The following DOCK2 variants were observed in gnomAD, a reference collection of about 807,000 sequenced individuals.
DOCK2 encodes dedicator of cytokinesis protein 2.
Under a neutral mutation model 248.9 loss-of-function variants are expected in DOCK2, and 87 were observed. The ratio of observed to expected loss-of-function variants is 0.35; its 90% CI spans 0.29 to 0.42. DOCK2 has a LOEUF of 0.42. Ranked by LOEUF, DOCK2 falls within the 10% of genes least tolerant of loss-of-function variation. DOCK2 has a pLI of 1.00. For synonymous variants in DOCK2, 805 were observed against 821.6 expected (o/e 0.98, Z 0.35); for missense variants, 1,747 against 2,300.2 (o/e 0.76, Z 4.92).
At chr5:169,989,187 G>A (rs1405670005) in intron 29 of DOCK2, among the ~76,000 whole-genome samples, 1 of 152,176 alleles carries the variant, frequency 6.6e-6, no homozygotes, top group Non-Finnish European at 1.5e-5. Context: ...TGTACTGTTT[G>A]CGTATGCAGA....
intron 30 of DOCK2, 38 bp downstream of exon 30, chr5:169,996,202 C>T: frequency 6.3e-7 from 1 of 1,597,598 alleles, no homozygotes; most frequent in South Asian, 1.1e-5. Flanking sequence ...TGGAGCTGCC[C>T]AGGGCGTCTC....
At chr5:169,782,500 GTTT>G (rs369831482) in intron 25 of DOCK2, among the ~76,000 whole-genome samples, 12 of 137,492 alleles carry the variant, frequency 8.7e-5, no homozygotes, top group Admixed American at 2.9e-4. Flanking sequence ...TTCCTCCTTA[GTTT>G]TTTTTTTTTT....
rs138731818 is a variant in DOCK2, at chr5:169,919,018, A to T, written c.2800-64050A>T. 6.6e-5 allele frequency among the ~76,000 whole-genome samples: 10 copies of T among 152,370 alleles called. No individual in the cohort carries two copies. In the East Asian group the frequency reaches 1.7e-3, roughly 26 times the overall value. On this transcript the variant is annotated intron_variant, in intron 27 of 51. Coordinates refer to ENST00000520908, the MANE Select transcript of DOCK2 (RefSeq NM_004946.3). ...ACCAGTAACAAGGGTTATGTTGGAT[A>T]GAAGTGATGGGTTTGGATTCAATAT... is the stretch of plus-strand genomic sequence containing the variant.
intron 27 of DOCK2, among the ~76,000 whole-genome samples, chr5:169,890,042 G>A (rs261071): frequency 0.19 from 28,779 of 152,168 alleles, 4,322 homozygotes; most frequent in African/African-American, 0.42. Context: ...AGGCTGGGAA[G>A]CATTATCCCT....
At chr5:170,063,915 A>G (rs1367522545) in intron 44 of DOCK2, among the ~76,000 whole-genome samples, 3 of 152,208 alleles carry the variant, frequency 2.0e-5, no homozygotes, top group Non-Finnish European at 4.4e-5. Flanking sequence ...GTAATCGCCC[A>G]TGCTCAGCTT....
intron 25 of DOCK2, among the ~76,000 whole-genome samples, chr5:169,796,821 CAGG>C (rs1766683585): frequency 1.3e-5 from 2 of 152,142 alleles, no homozygotes; most frequent in South Asian, 4.2e-4. Flanking sequence ...TGCAAAAATT[CAGG>C]AGAAGGAGAG....
intron 27 of DOCK2, among the ~76,000 whole-genome samples, chr5:169,941,756 G>C (rs1776254934): frequency 6.6e-6 from 1 of 152,186 alleles, no homozygotes; most frequent in South Asian, 2.1e-4. Flanking sequence ...TGGCCCTAGG[G>C]AACCAGCAGA....
intron 22 of DOCK2, among the ~76,000 whole-genome samples, chr5:169,745,848 A>G (rs941930630): frequency 6.6e-6 from 1 of 152,218 alleles, no homozygotes; most frequent in Non-Finnish European, 1.5e-5. Flanking sequence ...TGTGGCAGTT[A>G]TCTCTGGTGG....
At chr5:169,821,455 G>A (rs1056363262) in intron 26 of DOCK2, among the ~76,000 whole-genome samples, 2 of 152,098 alleles carry the variant, frequency 1.3e-5, no homozygotes, top group Non-Finnish European at 2.9e-5. Flanking sequence ...AAGAGAGTGG[G>A]GGCCAATATT....
At chr5:170,046,594 G>C (rs1391768274) in intron 39 of DOCK2, among the ~76,000 whole-genome samples, 1 of 152,148 alleles carries the variant, frequency 6.6e-6, no homozygotes, top group Non-Finnish European at 1.5e-5. Flanking sequence ...GCTTTTGGTG[G>C]GGGGAAGGTA....
At chr5:169,851,307 AC>A (rs1354811992) in intron 27 of DOCK2, among the ~76,000 whole-genome samples, 1 of 152,250 alleles carries the variant, frequency 6.6e-6, no homozygotes, top group African/African-American at 2.4e-5. Context: ...GCTCTGGGTG[AC>A]AGAATTTTTT....
chr5:170,056,852 G>A, intron 43 of DOCK2, 84 bp downstream of exon 43: 2 of 1,270,734 alleles, frequency 1.6e-6, no homozygotes, highest in Non-Finnish European at 2.2e-6. Flanking sequence ...AGAATGGGAA[G>A]GAACTTGATA....
chr5:170,061,205 A>G lies in DOCK2; in HGVS notation c.4467+3539A>G, dbSNP rs549439750. On this transcript the variant is annotated intron_variant, in intron 44 of 51. Coordinates refer to ENST00000520908, the MANE Select transcript of DOCK2 (RefSeq NM_004946.3). ...CACAGCAAGCCTGGCAAGAGTTACT[A>G]TGTCGATAAAGAAACTGAGGCTCAG... 1.4e-3 allele frequency among the ~76,000 whole-genome samples: 212 copies of G among 152,212 alleles called. 2 individuals are homozygous for G. The highest frequency in any genetic ancestry group is 2.3e-3 in the Non-Finnish European group (158 of 68,012).
intron 27 of DOCK2, among the ~76,000 whole-genome samples, chr5:169,934,056 C>G (rs1436275104): frequency 6.6e-6 from 1 of 152,178 alleles, no homozygotes; most frequent in Non-Finnish European, 1.5e-5. Context: ...ATCCATACTG[C>G]TCATTGATCA....
chr5:169,870,701 C>T (rs915028561), intron 27 of DOCK2, among the ~76,000 whole-genome samples: 1 of 151,940 alleles, frequency 6.6e-6, no homozygotes, highest in Non-Finnish European at 1.5e-5. Context: ...ATGCTGCACC[C>T]ATTAACTCAT....
At chr5:169,698,648 T>A (rs1762838297) in intron 11 of DOCK2, among the ~76,000 whole-genome samples, 199 bp downstream of exon 11, 1 of 152,202 alleles carries the variant, frequency 6.6e-6, no homozygotes, top group South Asian at 2.1e-4. Context: ...ATTCATCAGA[T>A]GTTATTTATG....
intron 30 of DOCK2, among the ~76,000 whole-genome samples, 192 bp downstream of exon 30, chr5:169,996,356 A>T (rs1460048567): frequency 6.6e-6 from 1 of 152,228 alleles, no homozygotes; most frequent in East Asian, 1.9e-4. Context: ...AATAGTCATC[A>T]ACTGATCATC....
chr5:169,667,117 A>T (rs749467493), intron 2 of DOCK2, among the ~76,000 whole-genome samples: 1 of 152,178 alleles, frequency 6.6e-6, no homozygotes, highest in Admixed American at 6.5e-5. Flanking sequence ...AGAGATGCAG[A>T]TGTGGACATG....
chr5:169,762,327 A>C (rs1764534519), intron 25 of DOCK2, among the ~76,000 whole-genome samples: 1 of 152,182 alleles, frequency 6.6e-6, no homozygotes, highest in Non-Finnish European at 1.5e-5. Context: ...CATGCTATGT[A>C]ACTGTTCTGC....
Sources: allele counts gnomAD v4.1 joint callset (sites outside exome capture counted in the v4.1 genomes callset), GRCh38; gene constraint gnomAD v4.1.1; transcripts MANE v1.5; gene names NCBI Gene and HGNC (gene_info 2026-07-23, HGNC 2026-07-21).